The following TTN variants were observed in gnomAD, a reference collection of about 807,000 sequenced individuals.
The protein encoded by TTN is titin, also known as connectin.
TTN carries 1,525 observed loss-of-function variants against 3,223.0 expected under a neutral mutation model. The observed-to-expected ratio is 0.47, with a 90% CI of 0.45 to 0.49. The LOEUF is 0.49. Ranked by LOEUF, TTN falls within the 20% of genes least tolerant of loss-of-function variation. The probability of loss-of-function intolerance (pLI) is 0.00; values close to 1 mark genes in which losing one functional copy is unlikely to be tolerated. For missense variants in TTN, 40,786 were observed against 43,424.0 expected (o/e 0.94, Z 5.40); for synonymous variants, 14,094 against 15,161.0 (o/e 0.93, Z 5.17).
At position 178,568,749 on chromosome 2, in the gene TTN, C is replaced by T. The variant is rs928219120; in HGVS notation, c.77383G>A (p.Val25795Ile). 6.2e-7 allele frequency: 1 copy of T among 1,612,984 alleles called. No homozygotes were observed. The highest frequency in any genetic ancestry group is 1.1e-5 in the South Asian group (1 of 91,012). ...GCAGGTTTTACATCTGGCTCAATTA[C>T]CAGATCTTTGGCAACTATTGGAACT... The part of the protein sequence containing the change: ...LAVPIVAKDL[V>I]IEPDVKPAFS... Residue 25795 changes from valine to isoleucine, a missense_variant, in exon 326 of 363, where the codon GTA (valine) becomes ATA (isoleucine). Transcript: ENST00000589042.
rs753432417 is a variant in TTN, at chr2:178,539,761, A to G, written c.98304T>C (p.Gly32768=). Residue 32768 remains glycine (G), a synonymous_variant, in exon 352 of 363, where the codon GGT becomes GGC. Coordinates refer to ENST00000589042, the MANE Select transcript of TTN (RefSeq NM_001267550.2). ...TELVIKEADR[G]DSGTYDLVLE... ...GAACCAGGTCATAAGTGCCAGAATCACCCCTGTCTGCTTCTTTGATCACAA... is the reference window on the plus strand; with the variant it reads ...GAACCAGGTCATAAGTGCCAGAATCGCCCCTGTCTGCTTCTTTGATCACAA... The G allele has an allele frequency of 1.2e-6, 2 of 1,613,696 alleles. No homozygotes were observed. Among genetic ancestry groups the G allele is most frequent in the South Asian group, 2.2e-5 (2 of 91,076 alleles).
Position 178,605,703 on chromosome 2 carries a change from T to A in TTN, c.53592A>T (p.Thr17864=), listed in dbSNP as rs397517613. The change falls in exon 279 of 363, where the codon ACA becomes ACT. Residue 17864 remains threonine, a synonymous_variant. Transcript: ENST00000589042. ...ILAVDPLGPP[T]SPERLTYTER... is the part of the protein sequence containing the mutation. ...CAGTGTATGTGAGCCTCTCTGGAGA[T>A]GTTGGAGGACCTTTAGCCAGAGGCA... 6.5e-7 allele frequency: 1 copy of A among 1,537,362 alleles called. No individual in the cohort carries two copies. The highest frequency in any genetic ancestry group is 8.8e-7 in the Non-Finnish European group (1 of 1,139,002).
chr2:178,768,550 C>T lies in TTN; in HGVS notation c.9163+123G>A, dbSNP rs72647887. 0.039 allele frequency: 54,559 copies of T among 1,403,302 alleles called. 2,485 individuals are homozygous for T. Among genetic ancestry groups the T allele is most frequent in the Admixed American group, 0.16 (7,982 of 48,622 alleles). 86.9% of individuals were successfully genotyped at this position (1,403,302 alleles called of 1,614,324 possible). Reference sequence around the variant, plus strand: ...ATATCGTAGTGCTTCCTTTTTATTGCTGAATGATATCCCATCGTATGGCTA... The same window carrying T: ...ATATCGTAGTGCTTCCTTTTTATTGTTGAATGATATCCCATCGTATGGCTA... On this transcript the variant is annotated intron_variant, in intron 38 of 362. Coordinates refer to ENST00000589042, the MANE Select transcript of TTN (RefSeq NM_001267550.2).
chr2:178,635,954 A>G lies in TTN; in HGVS notation c.41608+9T>C. The G allele has an allele frequency of 1.3e-6, 2 of 1,568,296 alleles. No homozygotes were observed. Among genetic ancestry groups the G allele is most frequent in the Non-Finnish European group, 1.7e-6 (2 of 1,158,150 alleles). ...TAAGCAGAACGAAATCTCCCAGGAAAGTACTAACCTACTACTTTTACGCAA... is the reference window on the plus strand; with the variant it reads ...TAAGCAGAACGAAATCTCCCAGGAAGGTACTAACCTACTACTTTTACGCAA... On this transcript the variant is annotated intron_variant, in intron 226 of 362. Coordinates refer to ENST00000589042, the MANE Select transcript of TTN (RefSeq NM_001267550.2).
chr2:178,664,862 T>G lies in TTN; in HGVS notation c.36108A>C (p.Pro12036=). The change falls in exon 166 of 363, where the codon CCA becomes CCC. Residue 12036 remains proline, a synonymous_variant. Coordinates refer to ENST00000589042, the MANE Select transcript of TTN (RefSeq NM_001267550.2). ...CATGGTGACTTGTACCTTTAACTGA[T>G]GGGGGTTCTCTTTTTTTGGAAGGAA... ...KTVPSKKREP[P]SVKVPEALQE... 1.2e-6 allele frequency: 2 copies of G among 1,611,632 alleles called. No homozygotes were observed. Among genetic ancestry groups the G allele is most frequent in the Non-Finnish European group, 1.7e-6 (2 of 1,179,552 alleles).
Position 178,622,672 on chromosome 2 carries a change from T to A in TTN, c.44911A>T (p.Lys14971Ter). ...ATGACAGGTATACAGTCACAGACCT[T>A]AGCATTTTCTCGGGAAAGTTCACAC... The part of the protein sequence containing the change: ...FECELSRENA[K>*]VKWFKDGAEI... Residue 14971 changes from lysine to a stop codon, truncating the protein, a stop_gained and splice_region_variant, in exon 243 of 363, where the codon AAG (lysine) becomes TAG (stop). Coordinates refer to ENST00000589042, the MANE Select transcript of TTN (RefSeq NM_001267550.2). LOFTEE classifies it high-confidence loss of function. 1 of 1,603,494 alleles carries A rather than the reference T, an allele frequency of 6.2e-7. No homozygotes were observed. The highest frequency in any genetic ancestry group is 1.1e-5 in the South Asian group (1 of 89,110).
chr2:178,738,311 G>T lies in TTN; in HGVS notation c.14142C>A (p.Gly4714=). ...TCTCACAGGTGAATTTGGCTAGGTG[G>T]CCCAGTGCTACTTCCAGGGGTTCGA... ...RKIEPLEVAL[G]HLAKFTCEIQ... The change falls in exon 49 of 363, where the codon GGC becomes GGA. Residue 4714 remains glycine, a synonymous_variant. Coordinates refer to ENST00000589042, the MANE Select transcript of TTN (RefSeq NM_001267550.2). 1.2e-6 allele frequency: 2 copies of T among 1,613,422 alleles called. No individual in the cohort carries two copies.
intron 168 of TTN, among the ~76,000 whole-genome samples, 157 bp from the exon 169 acceptor site, chr2:178,664,255 G>A (rs567925688): frequency 6.6e-6 from 1 of 152,020 alleles, no homozygotes; most frequent in Non-Finnish European, 1.5e-5. Flanking sequence ...TTTAGAGGAG[G>A]AACTTCCGGT....
chr2:178,728,061 T>C lies in TTN; in HGVS notation c.19714+49A>G, dbSNP rs369103629. 33 of 1,499,612 alleles carry C rather than the reference T, an allele frequency of 2.2e-5. No individual in the cohort carries two copies. In the Middle Eastern group the frequency reaches 5.5e-4, roughly 25 times the overall value. The allele number at this position is 1,499,612 out of a possible 1,614,324, so 92.9% of individuals were successfully genotyped here. On this transcript the variant is annotated intron_variant, in intron 67 of 362. Coordinates refer to ENST00000589042, the MANE Select transcript of TTN (RefSeq NM_001267550.2). The stretch of plus-strand genomic sequence containing the variant: ...GATACAAAGGCAAGAGTGATACATT[T>C]AAGAAGCATTCGCAAGGAAGAATCA...
intron 99 of TTN, among the ~76,000 whole-genome samples, chr2:178,709,138 T>G (rs1422453943): frequency 1.3e-5 from 2 of 152,122 alleles, no homozygotes; most frequent in African/African-American, 2.4e-5. Context: ...CCTTTAGAAA[T>G]ACACTTGGAA....
Position 178,675,030 on chromosome 2 carries a change from G to T in TTN, c.34612+9C>A. ...CTTTGAAATGTTATTTTCTTAGAAA[G>T]TTATCTACCTTCAACTGGTAGAACT... On this transcript the variant is annotated intron_variant, in intron 150 of 362. Coordinates refer to ENST00000589042, the MANE Select transcript of TTN (RefSeq NM_001267550.2). 1 of 1,494,688 alleles carries T rather than the reference G, an allele frequency of 6.7e-7. No individual in the cohort carries two copies. The highest frequency in any genetic ancestry group is 8.9e-7 in the Non-Finnish European group (1 of 1,121,714). The allele number at this position is 1,494,688 out of a possible 1,614,324, so 92.6% of individuals were successfully genotyped here.
intron 358 of TTN, 48 bp from the exon 359 acceptor site, chr2:178,530,164 G>A (rs1688451095): frequency 6.4e-7 from 1 of 1,565,350 alleles, no homozygotes; most frequent in South Asian, 1.2e-5. Context: ...TTCATTTTAA[G>A]CTTTTTTTGG....
chr2:178,774,541 A>G, intron 29 of TTN, 68 bp from the exon 30 acceptor site: 1 of 1,491,946 alleles, frequency 6.7e-7, no homozygotes, highest in Non-Finnish European at 9.2e-7. Flanking sequence ...TAGGATAGAG[A>G]TGATGTCTTG....
At position 178,546,365 on chromosome 2, in the gene TTN, G is replaced by T. The variant is rs748010504; in HGVS notation, c.94966C>A (p.Leu31656Ile). ...AAAGAGACTTTTTCACAGAGATCTA[G>T]CTCCTTGTCTCCTTTGGTCCAGATA... ...KIIWTKGDKELDLCEKVSLQY... is the reference protein window; with the variant it reads ...KIIWTKGDKEIDLCEKVSLQY... The change falls in exon 342 of 363, where the codon CTA becomes ATA. Residue 31656 changes from leucine (L) to isoleucine (I), a missense_variant. Coordinates refer to ENST00000589042, the MANE Select transcript of TTN (RefSeq NM_001267550.2). 1 of 1,613,738 alleles carries T rather than the reference G, an allele frequency of 6.2e-7. No homozygotes were observed. Among genetic ancestry groups the T allele is most frequent in the South Asian group, 1.1e-5 (1 of 91,080 alleles).
intron 21 of TTN, among the ~76,000 whole-genome samples, 176 bp downstream of exon 21, chr2:178,780,945 A>T (rs1372214810): frequency 6.6e-6 from 1 of 152,242 alleles, no homozygotes; most frequent in Non-Finnish European, 1.5e-5. Context: ...GTTTAATGAC[A>T]GTATAGTTTT....
In TTN at chr2:178,578,030, GC is replaced by G. The variant is rs1370805955; in HGVS notation, c.68484del (p.Lys22828AsnfsTer26). The G allele has an allele frequency of 6.2e-7, 1 of 1,613,028 alleles. No homozygotes were observed. Among genetic ancestry groups the G allele is most frequent in the Non-Finnish European group, 8.5e-7 (1 of 1,179,470 alleles). On this transcript the variant is annotated frameshift_variant, in exon 322 of 363. Coordinates refer to ENST00000589042, the MANE Select transcript of TTN (RefSeq NM_001267550.2). LOFTEE classifies it high-confidence loss of function. ...ACAACAGGCTCTGATGGTAGGCTTG[GC>G]TTGCCCACACCTGCTAAATTGATTG... ...VMAINLAGVG[K>X]PSLPSEPVVA...
In TTN at chr2:178,587,290, C is replaced by T. The variant is rs1466883677; in HGVS notation, c.63921G>A (p.Glu21307=). The change falls in exon 307 of 363, where the codon GAG becomes GAA. Residue 21307 remains glutamate, a synonymous_variant. Coordinates refer to ENST00000589042, the MANE Select transcript of TTN (RefSeq NM_001267550.2). ...CGGTCGACCATGTCTTTCTGTCTGCCTCACGTTTCTCCACGATATAATGTG... is the reference window on the plus strand; with the variant it reads ...CGGTCGACCATGTCTTTCTGTCTGCTTCACGTTTCTCCACGATATAATGTG... ...QVTHYIVEKR[E]ADRKTWSTVT... 6.2e-6 allele frequency: 10 copies of T among 1,612,988 alleles called. No homozygotes were observed. Among genetic ancestry groups the T allele is most frequent in the Non-Finnish European group, 8.5e-6 (10 of 1,179,490 alleles).
chr2:178,621,256 C>T lies in TTN; in HGVS notation c.45462G>A (p.Arg15154=), dbSNP rs866902501. 6.2e-7 allele frequency: 1 copy of T among 1,612,298 alleles called. No individual in the cohort carries two copies. The highest frequency in any genetic ancestry group is 1.7e-4 in the Middle Eastern group (1 of 6,052). Residue 15154 remains arginine, a synonymous_variant, in exon 246 of 363, where the codon AGG becomes AGA. Coordinates refer to ENST00000589042, the MANE Select transcript of TTN (RefSeq NM_001267550.2). ...CTCCAGATTCAAGTGTCTTATCATC[C>T]CTCTTCCACTGGACTGGAAAGCTTT... is the stretch of plus-strand genomic sequence containing the variant. ...SKESFPVQWK[R]DDKTLESGDK...
chr2:178,794,463 G>A lies in TTN; in HGVS notation c.1334C>T (p.Ala445Val), dbSNP rs762915170. ...MARVREPVIS[A>V]VEQTAQRTTT... is the part of the protein sequence containing the mutation. ...TGTCCTCTGAGCAGTCTGCTCTACA[G>A]CGCTGATCACTGGTTCTCTCACTCT... Residue 445 changes from alanine to valine, a missense_variant, in exon 8 of 363, where the codon GCT becomes GTT. By Grantham distance (64) the Ala-to-Val change is moderately conservative. Transcript: ENST00000589042. 1.9e-6 allele frequency: 3 copies of A among 1,614,200 alleles called. No homozygotes were observed. The highest frequency in any genetic ancestry group is 2.2e-5 in the East Asian group (1 of 44,884).
Sources: gnomAD v4.1 joint callset for allele counts (sites outside exome capture counted in the v4.1 genomes callset) on GRCh38, gnomAD v4.1.1 for gene constraint, MANE v1.5 for transcripts, NCBI Gene and HGNC (gene_info 2026-07-23, HGNC 2026-07-21) for gene names.